The following WWOX variants were observed in gnomAD, a reference collection of about 807,000 sequenced individuals.
WWOX encodes the protein WW domain containing oxidoreductase.
In WWOX, 69 loss-of-function variants were observed where a neutral mutation model predicts 46.2. The ratio of observed to expected loss-of-function variants is 1.49; its 90% CI spans 1.23 to 1.82. The LOEUF is 1.82. Among genes scored for constraint, WWOX ranks in the 40% most tolerant of loss-of-function variants. The pLI, the probability that WWOX is intolerant of heterozygous loss-of-function variation, is 0.00. For missense variants in WWOX, 919 were observed against 542.6 expected, an observed-to-expected ratio of 1.69 and a Z score of -6.89; for synonymous variants, 359 against 202.6, an observed-to-expected ratio of 1.77 and a Z score of -6.56.
intron 8 of WWOX, among the ~76,000 whole-genome samples, chr16:79,174,337 C>T (rs1338140160): frequency 6.6e-6 from 1 of 152,180 alleles, no homozygotes; most frequent in East Asian, 1.9e-4. Context: ...AGACAAGTTA[C>T]AGCAAATCCT....
intron 8 of WWOX, among the ~76,000 whole-genome samples, chr16:79,164,369 G>T (rs1364492437): frequency 6.6e-6 from 1 of 152,150 alleles, no homozygotes; most frequent in South Asian, 2.1e-4. Context: ...TCCACATTGA[G>T]TGAATTTTAT....
Position 78,174,710 on chromosome 16 carries a change from G to A in WWOX, c.516+10421G>A, listed in dbSNP as rs373323590. Among the ~76,000 whole-genome samples, 19 of 152,248 alleles carry A rather than the reference G, an allele frequency of 1.2e-4. 1 individual carries two copies. Among genetic ancestry groups the A allele is most frequent in the African/African-American group, 4.1e-4 (17 of 41,542 alleles). On this transcript the variant is annotated intron_variant, in intron 5 of 8. Coordinates refer to ENST00000566780, the MANE Select transcript of WWOX (RefSeq NM_016373.4). ...AATTAATAATCTGACTAAGGTGGCC[G>A]GGTGTGGTGGCTCACACCTGTAATC...
At chr16:78,589,531 T>G (rs544481686) in intron 8 of WWOX, among the ~76,000 whole-genome samples, 119 of 152,304 alleles carry the variant, frequency 7.8e-4, no homozygotes, top group African/African-American at 2.7e-3. Context: ...GAGTCCACCT[T>G]GGCAGAACCT....
chr16:78,911,788 C>T (rs549175622), intron 8 of WWOX, among the ~76,000 whole-genome samples: 4 of 152,044 alleles, frequency 2.6e-5, no homozygotes, highest in Non-Finnish European at 5.9e-5. Context: ...ATCACTTGAA[C>T]CCGGGAAGCG....
At chr16:78,762,365 G>C (rs1234605111) in intron 8 of WWOX, among the ~76,000 whole-genome samples, 1 of 152,184 alleles carries the variant, frequency 6.6e-6, no homozygotes, top group Non-Finnish European at 1.5e-5. Context: ...GGCCTGCTGA[G>C]TCTGAATTTT....
At chr16:78,571,177 G>A (rs774395054) in intron 8 of WWOX, among the ~76,000 whole-genome samples, 2 of 152,194 alleles carry the variant, frequency 1.3e-5, no homozygotes, top group Non-Finnish European at 2.9e-5. Context: ...GGGCAGTGAT[G>A]ATTCTAAATG....
At chr16:78,790,526 A>C (rs74031431) in intron 8 of WWOX, among the ~76,000 whole-genome samples, 2 of 152,188 alleles carry the variant, frequency 1.3e-5, no homozygotes, top group Non-Finnish European at 2.9e-5. Flanking sequence ...GTTCAGCCAA[A>C]AGAGACCAGT....
intron 8 of WWOX, among the ~76,000 whole-genome samples, chr16:78,855,100 T>C (rs12598983): frequency 6.6e-6 from 1 of 152,192 alleles, no homozygotes. Flanking sequence ...CCCCAATTAT[T>C]ACCTTTGTTT....
chr16:79,039,797 C>A (rs1289810316), intron 8 of WWOX, among the ~76,000 whole-genome samples: 2 of 152,144 alleles, frequency 1.3e-5, no homozygotes, highest in Non-Finnish European at 2.9e-5. Flanking sequence ...CTTCTCTGAA[C>A]CTTTTTGCGT....
intron 8 of WWOX, among the ~76,000 whole-genome samples, chr16:78,677,462 T>C (rs1567483444): frequency 6.6e-6 from 1 of 152,204 alleles, no homozygotes; most frequent in East Asian, 1.9e-4. Flanking sequence ...AAATTCGGAT[T>C]TCCAGCTTCT....
chr16:78,414,467 G>A (rs1012684838), intron 6 of WWOX, among the ~76,000 whole-genome samples: 2 of 152,154 alleles, frequency 1.3e-5, no homozygotes, highest in African/African-American at 4.8e-5. Flanking sequence ...TACTCAGGAG[G>A]TTGAGGCACG....
intron 8 of WWOX, among the ~76,000 whole-genome samples, chr16:78,627,868 G>C (rs1168084858): frequency 6.6e-6 from 1 of 152,224 alleles, no homozygotes; most frequent in Admixed American, 6.5e-5. Flanking sequence ...CAAATGTCTG[G>C]ATCAAGAGAG....
chr16:78,400,892 C>A (rs931535429), intron 6 of WWOX, among the ~76,000 whole-genome samples: 1 of 152,226 alleles, frequency 6.6e-6, no homozygotes, highest in African/African-American at 2.4e-5. Flanking sequence ...GGCACGATCA[C>A]AGCTCACTAT....
At chr16:78,104,764 T>G (rs1439393456) in intron 1 of WWOX, among the ~76,000 whole-genome samples, 1 of 152,186 alleles carries the variant, frequency 6.6e-6, no homozygotes, top group African/African-American at 2.4e-5. Flanking sequence ...ATCTTTTAAT[T>G]AATTTTTATA....
chr16:78,386,168 C>A (rs148442020), intron 5 of WWOX, among the ~76,000 whole-genome samples: 56 of 152,310 alleles, frequency 3.7e-4, no homozygotes, highest in African/African-American at 1.2e-3. Flanking sequence ...ATGGAGAAAA[C>A]ATTGTCTTTG....
chr16:78,827,217 T>C (rs1445027114), intron 8 of WWOX, among the ~76,000 whole-genome samples: 1 of 152,220 alleles, frequency 6.6e-6, no homozygotes, highest in East Asian at 1.9e-4. Context: ...CCTGAATGGC[T>C]GATCCTCTAA....
At chr16:78,420,300 A>G (rs1022781680) in intron 6 of WWOX, among the ~76,000 whole-genome samples, 2 of 152,222 alleles carry the variant, frequency 1.3e-5, no homozygotes, top group Non-Finnish European at 2.9e-5. Flanking sequence ...ATGCATTTCC[A>G]TAGCATCTTA....
chr16:78,914,842 G>A (rs1220236715), intron 8 of WWOX, among the ~76,000 whole-genome samples: 8 of 140,024 alleles, frequency 5.7e-5, no homozygotes, highest in African/African-American at 8.1e-5. Flanking sequence ...TCGCGCCACT[G>A]CACTCCCGCC....
At chr16:78,464,687 C>G (rs1390764086) in intron 8 of WWOX, among the ~76,000 whole-genome samples, 2 of 152,070 alleles carry the variant, frequency 1.3e-5, no homozygotes, top group Admixed American at 6.5e-5. Flanking sequence ...TTACGTTGCC[C>G]CCACCCGTGC....
Sources: allele counts gnomAD v4.1 joint callset (sites outside exome capture counted in the v4.1 genomes callset), GRCh38; gene constraint gnomAD v4.1.1; transcripts MANE v1.5; gene names NCBI Gene and HGNC (gene_info 2026-07-23, HGNC 2026-07-21).